XKR4: variants seen among roughly 807,000 people sequenced by gnomAD.
XKR4 encodes XK related 4, also known as XK-related protein 4.
A neutral mutation model predicts 53.9 loss-of-function variants in XKR4; 12 were observed. The observed-to-expected ratio is 0.22, with a 90% CI of 0.14 to 0.36. XKR4 has a LOEUF of 0.36. Ranked by LOEUF, XKR4 falls within the 10% of genes least tolerant of loss-of-function variation. XKR4 has a pLI of 1.00. For missense variants in XKR4, 799 were observed against 859.5 expected (o/e 0.93, Z 0.88); for synonymous variants, 354 against 362.4 (o/e 0.98, Z 0.26).
rs528023106 is a variant in XKR4, at chr8:55,250,381, G to A, written c.807-107297G>A. 4.6e-5 allele frequency among the ~76,000 whole-genome samples: 7 copies of A among 152,248 alleles called. No homozygotes were observed. In the East Asian group the frequency reaches 1.3e-3, roughly 29 times the overall value. On this transcript the variant is annotated intron_variant, in intron 1 of 2. Transcript: ENST00000327381. ...TAGATCCTCAGAAATATCTAAAAAA[G>A]CAGGTCATACAGTGCTCCTTTGATT...
intron 1 of XKR4, among the ~76,000 whole-genome samples, chr8:55,237,085 G>A (rs1818136585): frequency 1.3e-5 from 2 of 152,262 alleles, no homozygotes; most frequent in Admixed American, 1.3e-4. Flanking sequence ...ACTCTCTAAG[G>A]CAGAGGTAGT....
At position 55,523,865 on chromosome 8, in the gene XKR4, C is replaced by G. The variant is rs766513659; in HGVS notation, c.1591C>G (p.Pro531Ala). The change falls in exon 3 of 3, where the codon CCA becomes GCA. Residue 531 changes from proline (P) to alanine (A), a missense_variant. Physicochemically the swap from Pro to Ala is conservative, Grantham distance 27 (BLOSUM62 -1). Coordinates refer to ENST00000327381, the MANE Select transcript of XKR4 (RefSeq NM_052898.2). Reference sequence around the variant, plus strand: ...GTCACCAAGTTGTGCTTGTGAGGACCCAGCCGCTGCCTTCACTTTGCCCCC... The same window carrying G: ...GTCACCAAGTTGTGCTTGTGAGGACGCAGCCGCTGCCTTCACTTTGCCCCC... ...GQSPSCACED[P>A]AAAFTLPPDV... 6.2e-7 allele frequency: 1 copy of G among 1,614,154 alleles called. No homozygotes were observed. The highest frequency in any genetic ancestry group is 2.2e-5 in the East Asian group (1 of 44,876).
rs747365935 is a variant in XKR4, at chr8:55,289,591, GAGAAAGAAAGAAAGAAAGAA to G, written c.807-68048_807-68029del. ...AAGGAGAGAGAAAGGAAGAAAGAAA[GAGAAAGAAAGAAAGAAAGAA>G]AGAAAGAAAGAAAGAAAGAAAGAAA... On this transcript the variant is annotated intron_variant, in intron 1 of 2. Coordinates refer to ENST00000327381, the MANE Select transcript of XKR4 (RefSeq NM_052898.2). 3.0e-4 allele frequency among the ~76,000 whole-genome samples: 20 copies of G among 67,404 alleles called. 1 individual carries two copies. Among genetic ancestry groups the G allele is most frequent in the African/African-American group, 6.2e-4 (10 of 16,256 alleles). 44.2% of individuals were successfully genotyped at this position (67,404 alleles called of 152,430 possible). A position where few individuals can be genotyped will look rare whatever the true frequency, so the allele number is the denominator to read the frequency against.
At chr8:55,435,950 GAC>G (rs1379089284) in intron 2 of XKR4, among the ~76,000 whole-genome samples, 2 of 152,150 alleles carry the variant, frequency 1.3e-5, no homozygotes, top group East Asian at 3.9e-4. Context: ...AAGACGGAAA[GAC>G]ACATTCCCTG....
intron 1 of XKR4, among the ~76,000 whole-genome samples, chr8:55,115,627 A>G (rs1816294981): frequency 6.6e-6 from 1 of 151,936 alleles, no homozygotes; most frequent in Non-Finnish European, 1.5e-5. Flanking sequence ...TACTCAAAAT[A>G]CAAGAATTAG....
At position 55,102,723 on chromosome 8, in the gene XKR4, G is replaced by C. The variant is rs1816065856; in HGVS notation, c.235G>C (p.Gly79Arg). The C allele has an allele frequency of 6.0e-6, 7 of 1,164,688 alleles. No homozygotes were observed. The highest frequency in any genetic ancestry group is 7.4e-6 in the Non-Finnish European group (7 of 944,396). The allele number at this position is 1,164,688 out of a possible 1,614,324, so 72.1% of individuals were successfully genotyped here. A position where few individuals can be genotyped will look rare whatever the true frequency, so the allele number is the denominator to read the frequency against. The change falls in exon 1 of 3, where the codon GGC becomes CGC. Residue 79 changes from glycine (G) to arginine (R), a missense_variant. This residue lies in a region of XKR4 where 476 missense variants were observed against 505.4 expected (regional missense o/e 0.94). Transcript: ENST00000327381. The surrounding 1 kb of genome is among the most constrained non-coding windows in gnomAD (Gnocchi z 5.1). ...GAGTGGCGGCTCCGCGGGCTCGGGC[G>C]GCTCCGGCGGCGTCGCCGGCCCGGG... Reference protein sequence around the residue: ...AGSGGSAGSGGSGGVAGPGGG... With the variant: ...AGSGGSAGSGRSGGVAGPGGG...
At chr8:55,384,670 G>C (rs1314464452) in intron 2 of XKR4, among the ~76,000 whole-genome samples, 1 of 152,250 alleles carries the variant, frequency 6.6e-6, no homozygotes, top group African/African-American at 2.4e-5. Flanking sequence ...GTGAGGTGGA[G>C]ACATTGACCT....
intron 2 of XKR4, among the ~76,000 whole-genome samples, chr8:55,461,657 T>G (rs976954059): frequency 6.6e-6 from 1 of 152,136 alleles, no homozygotes; most frequent in South Asian, 2.1e-4. Context: ...GAGGAAGGCT[T>G]CAGAACATCA....
chr8:55,366,507 G>T (rs191106039), intron 2 of XKR4, among the ~76,000 whole-genome samples: 2 of 152,310 alleles, frequency 1.3e-5, no homozygotes, highest in South Asian at 2.1e-4. Flanking sequence ...CAGACCTCAC[G>T]TGGCCACTCA....
chr8:55,288,608 G>A (rs62519090), intron 1 of XKR4, among the ~76,000 whole-genome samples: 36,271 of 152,068 alleles, frequency 0.24, 4,655 homozygotes, highest in East Asian at 0.48. Context: ...AATATTCATT[G>A]CTTTCTCCAA....
At chr8:55,341,649 C>T (rs1329349927) in intron 1 of XKR4, among the ~76,000 whole-genome samples, 2 of 152,234 alleles carry the variant, frequency 1.3e-5, no homozygotes, top group Non-Finnish European at 2.9e-5. Context: ...GTTTAGACAT[C>T]ATGGAAACCT....
chr8:55,438,102 C>A (rs1457680859), intron 2 of XKR4, among the ~76,000 whole-genome samples: 1 of 152,028 alleles, frequency 6.6e-6, no homozygotes, highest in African/African-American at 2.4e-5. Flanking sequence ...GAGAGGGTGG[C>A]TTGAGAATGA....
intron 1 of XKR4, among the ~76,000 whole-genome samples, chr8:55,173,052 T>C (rs1011667468): frequency 2.0e-5 from 3 of 152,194 alleles, no homozygotes; most frequent in African/African-American, 7.2e-5. Context: ...TTATTTGTGT[T>C]ATAGGAAATG....
At position 55,391,045 on chromosome 8, in the gene XKR4, G is replaced by T. The variant is rs147088421; in HGVS notation, c.1006+33168G>T. ...ATATGAAACACAAAAAAAATGGTTT[G>T]CATTCCTTACAATAAGAGAAACTGG... On this transcript the variant is annotated intron_variant, in intron 2 of 2. Transcript: ENST00000327381. Among the ~76,000 whole-genome samples the T allele has an allele frequency of 2.6e-5, 4 of 152,216 alleles. No individual in the cohort carries two copies. In the South Asian group the frequency reaches 8.3e-4, roughly 32 times the overall value.
intron 2 of XKR4, among the ~76,000 whole-genome samples, chr8:55,389,025 A>G (rs1166275339): frequency 6.6e-6 from 1 of 152,228 alleles, no homozygotes; most frequent in African/African-American, 2.4e-5. Flanking sequence ...ATAATTTAAT[A>G]TAACAGGTCT....
intron 1 of XKR4, among the ~76,000 whole-genome samples, chr8:55,202,642 T>C (rs1817590694): frequency 6.6e-6 from 1 of 152,248 alleles, no homozygotes; most frequent in South Asian, 2.1e-4. Flanking sequence ...CTCCATGCCC[T>C]GTGCTGGGAT....
chr8:55,180,805 T>C (rs1275770483), intron 1 of XKR4, among the ~76,000 whole-genome samples: 4 of 152,180 alleles, frequency 2.6e-5, no homozygotes, highest in South Asian at 2.1e-4. Flanking sequence ...AGTGCTGGGA[T>C]TACAGGTATA....
intron 1 of XKR4, among the ~76,000 whole-genome samples, chr8:55,347,750 T>A (rs557926005): frequency 1.4e-4 from 22 of 152,342 alleles, no homozygotes; most frequent in African/African-American, 5.3e-4. Context: ...TGTTCTCTCA[T>A]GCTCATGGCA....
At chr8:55,445,114 G>A (rs555295820) in intron 2 of XKR4, among the ~76,000 whole-genome samples, 43 of 152,326 alleles carry the variant, frequency 2.8e-4, no homozygotes, top group African/African-American at 1.0e-3. Context: ...CTGGAGTGCA[G>A]TGGTGCGATC....
Sources: allele counts gnomAD v4.1 joint callset (sites outside exome capture counted in the v4.1 genomes callset), GRCh38; gene constraint gnomAD v4.1.1; regional missense constraint gnomAD v4.1.1; non-coding constraint Gnocchi (gnomAD v3.1); transcripts MANE v1.5; gene names NCBI Gene and HGNC (gene_info 2026-07-23, HGNC 2026-07-21).